Variants in KPNA7 observed in about 807,000 individuals in gnomAD.
KPNA7 encodes the protein importin subunit alpha-8.
In KPNA7, 54 loss-of-function variants were observed where a neutral mutation model predicts 53.7. The ratio of observed to expected loss-of-function variants is 1.01; its 90% CI spans 0.81 to 1.26. KPNA7 has a LOEUF of 1.26. Among genes scored for constraint, KPNA7 ranks in the 50% most tolerant of loss-of-function variants. The probability of loss-of-function intolerance (pLI) is 0.00; values close to 1 mark genes in which losing one functional copy is unlikely to be tolerated. For synonymous variants in KPNA7, 276 were observed against 259.3 expected, an observed-to-expected ratio of 1.06 and a Z score of -0.62; for missense variants, 640 against 644.5, an observed-to-expected ratio of 0.99 and a Z score of 0.07.
Position 99,181,882 on chromosome 7 carries a change from C to T in KPNA7, c.1317+1G>A. Reference sequence around the variant, plus strand: ...AAACCAACCTGTTCAGAACGGCTCACCTGGAGGATGCAAGAGATGACATCA... The same window carrying T: ...AAACCAACCTGTTCAGAACGGCTCATCTGGAGGATGCAAGAGATGACATCA... On this transcript the variant is annotated splice_donor_variant, in intron 9 of 10. Coordinates refer to ENST00000327442, the MANE Select transcript of KPNA7 (RefSeq NM_001145715.3). LOFTEE classifies it high-confidence loss of function. 2 of 1,539,568 alleles carry T rather than the reference C, an allele frequency of 1.3e-6. No individual in the cohort carries two copies. The highest frequency in any genetic ancestry group is 1.8e-6 in the Non-Finnish European group (2 of 1,138,112).
intron 3 of KPNA7, among the ~76,000 whole-genome samples, chr7:99,200,723 C>T (rs901494934): frequency 4.6e-5 from 7 of 152,174 alleles, no homozygotes; most frequent in African/African-American, 1.4e-4. Flanking sequence ...CACCTGTAAT[C>T]CCAGCACTTT....
At chr7:99,215,186 A>G (rs1367122405) in intron 1 of KPNA7, among the ~76,000 whole-genome samples, 1 of 151,822 alleles carries the variant, frequency 6.6e-6, no homozygotes, top group Non-Finnish European at 1.5e-5. Flanking sequence ...AGCTTGGTCA[A>G]CATGGTGAAA....
chr7:99,208,395 A>G (rs1790929108), upstream of KPNA7, among the ~76,000 whole-genome samples: 1 of 152,128 alleles, frequency 6.6e-6, no homozygotes, highest in African/African-American at 2.4e-5. Flanking sequence ...AGCTGGGACT[A>G]CAGGCACCTG....
At chr7:99,217,816 A>G (rs1791251112) in intron 1 of KPNA7, among the ~76,000 whole-genome samples, 1 of 151,618 alleles carries the variant, frequency 6.6e-6, no homozygotes. Context: ...TTTTTACTAG[A>G]GACAGAGTTT....
the KPNA7 span, among the ~76,000 whole-genome samples, chr7:99,166,595 G>A: frequency 6.6e-6 from 1 of 151,830 alleles, no homozygotes; most frequent in Non-Finnish European, 1.5e-5. Flanking sequence ...GATTACAGGT[G>A]TGAGCCACCG....
intron 10 of KPNA7, among the ~76,000 whole-genome samples, chr7:99,176,664 C>T (rs1450200281): frequency 6.6e-6 from 1 of 152,080 alleles, no homozygotes; most frequent in Admixed American, 6.5e-5. Context: ...TGCTTGAGCT[C>T]AGGAGTTTTA....
Position 99,203,234 on chromosome 7 carries a change from GC to G in KPNA7, c.72del (p.Arg24SerfsTer22). 1 of 1,550,708 alleles carries G rather than the reference GC, an allele frequency of 6.4e-7. No individual in the cohort carries two copies. Among genetic ancestry groups the G allele is most frequent in the East Asian group, 2.4e-5 (1 of 40,894 alleles). On this transcript the variant is annotated frameshift_variant, in exon 3 of 11. Coordinates refer to ENST00000327442, the MANE Select transcript of KPNA7 (RefSeq NM_001145715.3). LOFTEE classifies it high-confidence loss of function. ...FKYRGKDVSL[R>X]RQQRMAVSLE... The stretch of plus-strand genomic sequence containing the variant: ...AGACTGACCGCCATCCTCTGCTGTC[GC>G]CTCAGCTAGTGAGGAAAAGAAATTG...
chr7:99,149,203 C>T, the KPNA7 span, among the ~76,000 whole-genome samples: 1 of 151,910 alleles, frequency 6.6e-6, no homozygotes, highest in African/African-American at 2.4e-5. Flanking sequence ...ATGCCTGGCC[C>T]CAATAATTTT....
At chr7:99,165,136 G>A in the KPNA7 span, among the ~76,000 whole-genome samples, 1 of 151,968 alleles carries the variant, frequency 6.6e-6, no homozygotes, top group African/African-American at 2.4e-5. Flanking sequence ...ACACGACTTT[G>A]TCTCAAAAAA....
intron 7 of KPNA7, among the ~76,000 whole-genome samples, chr7:99,185,782 A>G (rs1445666563): frequency 6.7e-6 from 1 of 149,862 alleles, no homozygotes; most frequent in Non-Finnish European, 1.5e-5. Context: ...TAAATTGACG[A>G]TAGTGTTTTG....
chr7:99,153,746 A>T, the KPNA7 span, among the ~76,000 whole-genome samples: 1 of 152,018 alleles, frequency 6.6e-6, no homozygotes, highest in Admixed American at 6.6e-5. Flanking sequence ...AGGTGAAAGG[A>T]CTGCTTGAGC....
intron 2 of KPNA7, among the ~76,000 whole-genome samples, chr7:99,205,316 G>A (rs113167731): frequency 6.6e-6 from 1 of 150,506 alleles, no homozygotes; most frequent in East Asian, 2.0e-4. Context: ...GTAGGCTGAG[G>A]CAGGAGAATT....
the KPNA7 span, among the ~76,000 whole-genome samples, chr7:99,154,594 A>G: frequency 3.3e-5 from 5 of 151,228 alleles, no homozygotes; most frequent in African/African-American, 9.7e-5. Context: ...CAATGGCACA[A>G]TCTCGGCTCA....
intron 3 of KPNA7, among the ~76,000 whole-genome samples, chr7:99,198,587 TA>T (rs992731607): frequency 3.3e-5 from 5 of 150,498 alleles, no homozygotes; most frequent in Admixed American, 6.6e-5. Flanking sequence ...ACTTCCATAA[TA>T]AAAAAAAACA....
chr7:99,162,877 C>A, the KPNA7 span, among the ~76,000 whole-genome samples: 1 of 151,770 alleles, frequency 6.6e-6, no homozygotes, highest in East Asian at 1.9e-4. Context: ...CAATCAGATT[C>A]TTTGAAAAAA....
intron 7 of KPNA7, among the ~76,000 whole-genome samples, chr7:99,187,860 A>G (rs1789698873): frequency 7.0e-6 from 1 of 143,440 alleles, no homozygotes; most frequent in South Asian, 2.2e-4. Context: ...ACATCAAAAT[A>G]GATTCAAGCT....
intron 3 of KPNA7, among the ~76,000 whole-genome samples, chr7:99,199,019 G>T (rs1790371639): frequency 1.0e-5 from 1 of 98,152 alleles, no homozygotes; most frequent in Non-Finnish European, 2.0e-5. Context: ...AAAATGCTTA[G>T]TAATAAATTT....
At chr7:99,151,199 G>A in the KPNA7 span, among the ~76,000 whole-genome samples, 2 of 152,072 alleles carry the variant, frequency 1.3e-5, no homozygotes, top group African/African-American at 4.8e-5. Flanking sequence ...CCTGCATCGT[G>A]CTGATAGCCA....
At position 99,217,061 on chromosome 7, in the gene KPNA7, C is replaced by G. The variant is rs190988788; in HGVS notation, c.-23-9572G>C. Among the ~76,000 whole-genome samples the G allele has an allele frequency of 9.2e-5, 14 of 152,298 alleles. No individual in the cohort carries two copies. In the East Asian group the frequency reaches 2.7e-3, roughly 29 times the overall value. ...ATTTTAAATTAAGACATGTCATCAT[C>G]CAAGAGTTGGCTTCTACAAAATAGC... On this transcript the variant is annotated intron_variant, in intron 1 of 10. Transcript: ENST00000681060.
Sources: allele counts gnomAD v4.1 joint callset (sites outside exome capture counted in the v4.1 genomes callset), GRCh38; gene constraint gnomAD v4.1.1; transcripts MANE v1.5; gene names NCBI Gene and HGNC (gene_info 2026-07-23, HGNC 2026-07-21).